MGAT4C: variants seen among roughly 807,000 people sequenced by gnomAD.
MGAT4C encodes MGAT4 family member C.
In MGAT4C, 19 loss-of-function variants were observed where a neutral mutation model predicts 40.1. That is an observed-to-expected ratio of 0.47 (90% CI 0.33 to 0.70). The LOEUF is 0.70. MGAT4C is among the 30% of genes least tolerant of loss of function. The pLI, the probability that MGAT4C is intolerant of heterozygous loss-of-function variation, is 0.02. For missense variants in MGAT4C, 491 were observed against 563.2 expected, an observed-to-expected ratio of 0.87 and a Z score of 1.30; for synonymous variants, 181 against 187.1, an observed-to-expected ratio of 0.97 and a Z score of 0.27.
At chr12:86,685,814 A>G (rs937918631) in intron 2 of MGAT4C, among the ~76,000 whole-genome samples, 3 of 150,722 alleles carry the variant, frequency 2.0e-5, no homozygotes, top group African/African-American at 4.9e-5. Context: ...GAGTTCACTC[A>G]TTATTTGGCT....
chr12:86,254,641 C>T (rs1055766151), intron 1 of MGAT4C, among the ~76,000 whole-genome samples: 2 of 152,020 alleles, frequency 1.3e-5, no homozygotes, highest in East Asian at 1.9e-4. Context: ...AGCAGTGACT[C>T]ATGCTTTCAA....
chr12:86,542,969 C>T (rs2136387417), intron 2 of MGAT4C, among the ~76,000 whole-genome samples: 1 of 152,148 alleles, frequency 6.6e-6, no homozygotes, highest in South Asian at 2.1e-4. Context: ...GGATTTCTCT[C>T]CATAATTCTA....
chr12:86,488,616 GT>G (rs1958070820), intron 2 of MGAT4C, among the ~76,000 whole-genome samples: 1 of 151,960 alleles, frequency 6.6e-6, no homozygotes, highest in African/African-American at 2.4e-5. Flanking sequence ...GTGGTCTTCA[GT>G]TCTCTGATTT....
At chr12:86,034,803 C>G (rs1455789513) in intron 2 of MGAT4C, among the ~76,000 whole-genome samples, 1 of 149,532 alleles carries the variant, frequency 6.7e-6, no homozygotes, top group Non-Finnish European at 1.5e-5. Flanking sequence ...TTGTTCAACT[C>G]CCACTTATGT....
intron 2 of MGAT4C, among the ~76,000 whole-genome samples, chr12:86,724,471 A>G (rs1266648007): frequency 5.9e-5 from 9 of 152,042 alleles, no homozygotes; most frequent in Admixed American, 1.3e-4. Flanking sequence ...TGGGACCCCT[A>G]CCTCCTCTGG....
chr12:86,201,155 G>T (rs1950034013), intron 1 of MGAT4C, among the ~76,000 whole-genome samples: 1 of 152,036 alleles, frequency 6.6e-6, no homozygotes, highest in Non-Finnish European at 1.5e-5. Flanking sequence ...TGCTTTCAAG[G>T]GTGTGAAGTT....
intron 1 of MGAT4C, among the ~76,000 whole-genome samples, chr12:86,249,543 A>G (rs1483093588): frequency 6.6e-6 from 1 of 152,160 alleles, no homozygotes; most frequent in Non-Finnish European, 1.5e-5. Context: ...CTTCTAGAGT[A>G]TTTAAAATTT....
chr12:86,777,626 G>T (rs143738757), intron 1 of MGAT4C, among the ~76,000 whole-genome samples: 116 of 152,182 alleles, frequency 7.6e-4, no homozygotes, highest in South Asian at 3.9e-3. Context: ...TGTTAGTTTT[G>T]GAAAACTAGA....
intron 1 of MGAT4C, among the ~76,000 whole-genome samples, chr12:86,203,760 C>T (rs1054349809): frequency 1.3e-5 from 2 of 151,468 alleles, no homozygotes; most frequent in Admixed American, 1.3e-4. Context: ...GAGTTTGAGA[C>T]CAGACTGACC....
chr12:86,710,835 C>T (rs181336117), intron 2 of MGAT4C, among the ~76,000 whole-genome samples: 12 of 152,178 alleles, frequency 7.9e-5, no homozygotes, highest in Middle Eastern at 3.4e-3. Flanking sequence ...ATATATACAC[C>T]ATGAAATACT....
At chr12:86,568,630 A>G (rs1259900736) in intron 2 of MGAT4C, among the ~76,000 whole-genome samples, 7 of 151,512 alleles carry the variant, frequency 4.6e-5, no homozygotes, top group African/African-American at 1.7e-4. Context: ...AGCAATCCTG[A>G]ACAGAAAGAA....
intron 2 of MGAT4C, among the ~76,000 whole-genome samples, chr12:86,587,729 T>C (rs1322279622): frequency 6.6e-6 from 1 of 151,682 alleles, no homozygotes; most frequent in African/African-American, 2.4e-5. Flanking sequence ...GGGAGTTCAC[T>C]CATGATTTGG....
intron 1 of MGAT4C, among the ~76,000 whole-genome samples, chr12:86,240,734 G>A (rs1951748965): frequency 6.6e-6 from 1 of 151,802 alleles, no homozygotes; most frequent in African/African-American, 2.4e-5. Flanking sequence ...TATTTTTATT[G>A]CCTAGAATAA....
At chr12:86,684,598 A>G (rs1950038998) in intron 2 of MGAT4C, among the ~76,000 whole-genome samples, 1 of 152,180 alleles carries the variant, frequency 6.6e-6, no homozygotes, top group Non-Finnish European at 1.5e-5. Context: ...ATCCTTGAGG[A>G]ATTGCCACAC....
intron 2 of MGAT4C, among the ~76,000 whole-genome samples, chr12:86,614,350 G>T (rs2136479445): frequency 6.6e-6 from 1 of 152,288 alleles, no homozygotes; most frequent in African/African-American, 2.4e-5. Context: ...TTTGAGAGGT[G>T]AAAGCAGGAC....
At chr12:86,502,741 T>C (rs1174151758) in intron 2 of MGAT4C, among the ~76,000 whole-genome samples, 1 of 143,492 alleles carries the variant, frequency 7.0e-6, no homozygotes, top group Non-Finnish European at 1.5e-5. Flanking sequence ...TGCTCATATA[T>C]AAATACACGA....
chr12:86,651,730 G>T (rs187611755), intron 2 of MGAT4C, among the ~76,000 whole-genome samples: 1 of 151,834 alleles, frequency 6.6e-6, no homozygotes, highest in African/African-American at 2.4e-5. Context: ...AGGTGGATGG[G>T]TGATTAAAAT....
intron 2 of MGAT4C, among the ~76,000 whole-genome samples, chr12:86,568,888 A>G (rs1592995980): frequency 6.6e-6 from 1 of 152,064 alleles, no homozygotes; most frequent in Non-Finnish European, 1.5e-5. Flanking sequence ...TGGAAGAATT[A>G]ACATAGAACC....
intron 1 of MGAT4C, among the ~76,000 whole-genome samples, chr12:86,731,676 T>C (rs1301184130): frequency 1.3e-5 from 2 of 152,150 alleles, no homozygotes; most frequent in Non-Finnish European, 2.9e-5. Context: ...TAAATTTATA[T>C]TTCTAAATTT....
Sources: allele counts gnomAD v4.1 joint callset (sites outside exome capture counted in the v4.1 genomes callset), GRCh38; gene constraint gnomAD v4.1.1; transcripts MANE v1.5; gene names NCBI Gene and HGNC (gene_info 2026-07-23, HGNC 2026-07-21).